Variants in EBF2 observed in about 807,000 individuals in gnomAD.
EBF2 encodes the protein EBF transcription factor 2.
EBF2 carries 21 observed loss-of-function variants against 72.8 expected under a neutral mutation model. The observed-to-expected ratio is 0.29, with a 90% confidence interval of 0.20 to 0.42. EBF2 has a LOEUF of 0.42. Among genes scored for constraint, EBF2 ranks in the 10% least tolerant of loss-of-function variants. The pLI is 1.00. For synonymous variants in EBF2, 299 were observed against 274.2 expected (o/e 1.09, Z -0.89); for missense variants, 637 against 731.2 (o/e 0.87, Z 1.49).
chr8:26,040,554 T>TG (rs892840593), intron 4 of EBF2, 62 bp downstream of exon 4: 41 of 1,416,026 alleles, frequency 2.9e-5, no homozygotes, highest in Non-Finnish European at 3.4e-5. Flanking sequence ...AGAAACAAAC[T>TG]GGGGGGTTTG....
In EBF2 at chr8:25,968,994, T is replaced by A. The variant is rs1396935961; in HGVS notation, c.552-60439A>T. ...TGTATTTTACCACAAATAATTTTTT[T>A]AAAAAACTTAAAATGGTAAAAAAAA... On this transcript the variant is annotated intron_variant, in intron 6 of 15. Transcript: ENST00000520164. 4.6e-5 allele frequency among the ~76,000 whole-genome samples: 7 copies of A among 152,018 alleles called. No individual in the cohort carries two copies. The East Asian group carries it at 1.2e-3, about 25-fold the overall frequency.
chr8:25,995,741 T>C (rs918628683), intron 6 of EBF2, among the ~76,000 whole-genome samples: 31 of 151,792 alleles, frequency 2.0e-4, no homozygotes, highest in African/African-American at 6.8e-4. Context: ...TAAGCAGAGG[T>C]CACAAAACTA....
chr8:25,850,779 A>G lies in EBF2; in HGVS notation c.1529-18T>C. 1 of 1,549,176 alleles carries G rather than the reference A, an allele frequency of 6.5e-7. No homozygotes were observed. Among genetic ancestry groups the G allele is most frequent in the Non-Finnish European group, 8.6e-7 (1 of 1,156,900 alleles). On this transcript the variant is annotated intron_variant, in intron 14 of 15. Coordinates refer to ENST00000520164, the MANE Select transcript of EBF2 (RefSeq NM_022659.4). The stretch of plus-strand genomic sequence containing the variant: ...TGACATGACTGGAAAGCAAATGCAC[A>G]ATCCTCATTTAGAAATTAAGATCTT...
At chr8:25,892,290 C>T (rs1213794022) in intron 7 of EBF2, among the ~76,000 whole-genome samples, 2 of 152,016 alleles carry the variant, frequency 1.3e-5, no homozygotes, top group African/African-American at 4.8e-5. Context: ...TGTACTGTAC[C>T]TTGGGTAACT....
At chr8:25,890,315 C>A (rs775712394) in intron 7 of EBF2, among the ~76,000 whole-genome samples, 1 of 152,234 alleles carries the variant, frequency 6.6e-6, no homozygotes, top group Non-Finnish European at 1.5e-5. Flanking sequence ...TCATGCCCAG[C>A]ATTGGGATGC....
At chr8:25,902,563 C>T (rs948772935) in intron 7 of EBF2, among the ~76,000 whole-genome samples, 1 of 151,920 alleles carries the variant, frequency 6.6e-6, no homozygotes, top group Admixed American at 6.6e-5. Context: ...TAATAATCTA[C>T]AGAATGCCTG....
intron 6 of EBF2, among the ~76,000 whole-genome samples, chr8:26,014,574 T>G (rs907234293): frequency 1.3e-5 from 2 of 152,232 alleles, no homozygotes; most frequent in Admixed American, 1.3e-4. Flanking sequence ...AAAAGTTGAC[T>G]TTGAGGGTTT....
At chr8:25,891,962 G>T (rs1802789808) in intron 7 of EBF2, among the ~76,000 whole-genome samples, 1 of 152,126 alleles carries the variant, frequency 6.6e-6, no homozygotes, top group South Asian at 2.1e-4. Flanking sequence ...AAAAGAAACA[G>T]GATAGCATAA....
At chr8:25,862,388 A>T (rs948676656) in intron 11 of EBF2, among the ~76,000 whole-genome samples, 1 of 152,210 alleles carries the variant, frequency 6.6e-6, no homozygotes, top group African/African-American at 2.4e-5. Context: ...AAATAGAAAC[A>T]TTTAAATACA....
At chr8:25,894,464 A>C (rs1349177413) in intron 7 of EBF2, among the ~76,000 whole-genome samples, 1 of 152,038 alleles carries the variant, frequency 6.6e-6, no homozygotes, top group Non-Finnish European at 1.5e-5. Context: ...CCTAGTGAGT[A>C]TTTCCTGGGT....
intron 6 of EBF2, among the ~76,000 whole-genome samples, chr8:25,922,882 C>A (rs1194605682): frequency 1.3e-5 from 2 of 151,750 alleles, no homozygotes; most frequent in Non-Finnish European, 2.9e-5. Flanking sequence ...ATGATTCTTT[C>A]TGACCCTGGA....
At position 25,874,018 on chromosome 8, in the gene EBF2, A is replaced by G. The variant is rs542865381; in HGVS notation, c.1010-11221T>C. ...GTGGAGACAACTTCAGTAAAAGTGC[A>G]GGCTACCAGGGGGGCTATTGACTCA... On this transcript the variant is annotated intron_variant, in intron 10 of 15. Transcript: ENST00000520164. Among the ~76,000 whole-genome samples the G allele has an allele frequency of 9.8e-5, 15 of 152,320 alleles. No homozygotes were observed. In the East Asian group the frequency reaches 2.5e-3, roughly 25 times the overall value.
intron 6 of EBF2, among the ~76,000 whole-genome samples, chr8:25,942,766 C>T (rs1312649334): frequency 6.6e-6 from 1 of 152,146 alleles, no homozygotes; most frequent in Non-Finnish European, 1.5e-5. Context: ...ACCGGAACAG[C>T]CTTCGTTCCT....
intron 6 of EBF2, among the ~76,000 whole-genome samples, chr8:25,953,593 A>T (rs1390296663): frequency 6.6e-6 from 1 of 152,176 alleles, no homozygotes; most frequent in Non-Finnish European, 1.5e-5. Context: ...AGGGCAGCTG[A>T]TTCGGGATCT....
intron 6 of EBF2, among the ~76,000 whole-genome samples, chr8:25,982,810 A>G (rs966902859): frequency 6.6e-6 from 1 of 152,172 alleles, no homozygotes; most frequent in Non-Finnish European, 1.5e-5. Flanking sequence ...AATTAAACAG[A>G]AACACAAAAG....
At chr8:25,918,454 C>T (rs1261983362) in intron 6 of EBF2, among the ~76,000 whole-genome samples, 3 of 152,178 alleles carry the variant, frequency 2.0e-5, no homozygotes, top group Non-Finnish European at 2.9e-5. Flanking sequence ...TACAGACTAG[C>T]CTCTCCATTT....
At chr8:26,022,176 A>G (rs1805212924) in intron 6 of EBF2, among the ~76,000 whole-genome samples, 1 of 152,092 alleles carries the variant, frequency 6.6e-6, no homozygotes, top group Non-Finnish European at 1.5e-5. Flanking sequence ...CCTTGCAGAG[A>G]CCACCTCGAT....
At chr8:26,043,694 G>T (rs1255200419) in intron 1 of EBF2, among the ~76,000 whole-genome samples, 1 of 152,224 alleles carries the variant, frequency 6.6e-6, no homozygotes. Context: ...TGGCCAGTTT[G>T]GGAAAGGGAT....
chr8:25,887,971 A>G lies in EBF2; in HGVS notation c.753T>C (p.Ala251=), dbSNP rs1457288208. Residue 251 remains alanine (A), a splice_region_variant and synonymous_variant, in exon 9 of 16, where the codon GCT becomes GCC. Coordinates refer to ENST00000520164, the MANE Select transcript of EBF2 (RefSeq NM_022659.4). The part of the protein sequence containing the change: ...RRARRLDPSE[A]TPCIKAISPS... ...GGCTAATGGCTTTGATGCAGGGGGT[A>G]GCTAAGAAGACAGGAAAGAAAAAGT... is the stretch of plus-strand genomic sequence containing the variant. 6.2e-7 allele frequency: 1 copy of G among 1,604,808 alleles called. No homozygotes were observed. The highest frequency in any genetic ancestry group is 8.5e-7 in the Non-Finnish European group (1 of 1,176,492).
Sources: gnomAD v4.1 joint callset for allele counts (sites outside exome capture counted in the v4.1 genomes callset) on GRCh38, gnomAD v4.1.1 for gene constraint, MANE v1.5 for transcripts, NCBI Gene and HGNC (gene_info 2026-07-23, HGNC 2026-07-21) for gene names.